The following NAALADL2 variants were observed in gnomAD, a reference collection of about 807,000 sequenced individuals.
The protein encoded by NAALADL2 is inactive N-acetylated-alpha-linked acidic dipeptidase-like protein 2.
A neutral mutation model predicts 87.2 loss-of-function variants in NAALADL2; 76 were observed. The observed-to-expected ratio is 0.87, with a 90% CI of 0.72 to 1.05. The LOEUF (loss-of-function observed/expected upper bound fraction) is 1.05. Among genes scored for constraint, NAALADL2 ranks in the 50% least tolerant of loss-of-function variants. The pLI is 0.00. For missense variants in NAALADL2, 1,089 were observed against 945.8 expected (o/e 1.15, Z -1.99); for synonymous variants, 354 against 331.0 (o/e 1.07, Z -0.75).
intron 2 of NAALADL2, among the ~76,000 whole-genome samples, chr3:174,560,855 CT>C (rs1298299818): frequency 3.9e-5 from 6 of 152,092 alleles, no homozygotes; most frequent in Admixed American, 1.3e-4. Context: ...TGAAAAATCT[CT>C]CTTTGACCCT....
intron 6 of NAALADL2, among the ~76,000 whole-genome samples, chr3:175,456,746 A>C (rs998704316): frequency 3.3e-5 from 5 of 152,064 alleles, no homozygotes; most frequent in Non-Finnish European, 7.4e-5. Flanking sequence ...ATACATTACT[A>C]CCATGCATTC....
At chr3:174,659,293 A>C (rs149102483) in intron 2 of NAALADL2, among the ~76,000 whole-genome samples, 19 of 152,294 alleles carry the variant, frequency 1.2e-4, no homozygotes, top group African/African-American at 4.3e-4. Flanking sequence ...TTATTAATAT[A>C]ACTTAGAAGC....
At position 175,576,262 on chromosome 3, in the gene NAALADL2, A is replaced by G. The variant is rs969330913; in HGVS notation, c.1800+75A>G. 9 of 1,367,374 alleles carry G rather than the reference A, an allele frequency of 6.6e-6. No homozygotes were observed. In the African/African-American group the frequency reaches 1.0e-4, roughly 16 times the overall value. The allele number at this position is 1,367,374 out of a possible 1,614,324, so 84.7% of individuals were successfully genotyped here. On this transcript the variant is annotated intron_variant, in intron 10 of 13. Coordinates refer to ENST00000454872, the MANE Select transcript of NAALADL2 (RefSeq NM_207015.3). ...TGCAGAATTTGATTTTATCCTGGCT[A>G]TTCAATTTTCATATCAAATAGGTCA...
At chr3:175,786,302 A>G (rs911833690) in intron 13 of NAALADL2, among the ~76,000 whole-genome samples, 23 of 152,294 alleles carry the variant, frequency 1.5e-4, no homozygotes, top group Non-Finnish European at 2.5e-4. Flanking sequence ...GTGTTTTCCA[A>G]CTTGGTTCCA....
At chr3:174,721,388 T>C (rs998831618) in intron 2 of NAALADL2, among the ~76,000 whole-genome samples, 1 of 152,176 alleles carries the variant, frequency 6.6e-6, no homozygotes, top group Non-Finnish European at 1.5e-5. Context: ...TTAAAGTTTA[T>C]GTTAGTGAAG....
chr3:174,906,646 T>C (rs367981905), intron 1 of NAALADL2, among the ~76,000 whole-genome samples: 1 of 152,078 alleles, frequency 6.6e-6, no homozygotes, highest in African/African-American at 2.4e-5. Flanking sequence ...AGAAGCAGAA[T>C]CAAACTCAGT....
chr3:175,500,218 C>A (rs6443305), intron 9 of NAALADL2, among the ~76,000 whole-genome samples: 54,831 of 151,822 alleles, frequency 0.36, 11,820 homozygotes, highest in African/African-American at 0.61. Flanking sequence ...GGGAAAAAAT[C>A]GCTGCCATTA....
chr3:175,086,416 CAAAA>C (rs370401749), intron 1 of NAALADL2, among the ~76,000 whole-genome samples: 1 of 146,672 alleles, frequency 6.8e-6, no homozygotes, highest in Non-Finnish European at 1.5e-5. Flanking sequence ...ATTACAGAAA[CAAAA>C]AAAAAGAAAC....
chr3:174,653,253 G>C (rs538830940), intron 2 of NAALADL2, among the ~76,000 whole-genome samples: 2 of 152,104 alleles, frequency 1.3e-5, no homozygotes, highest in Non-Finnish European at 2.9e-5. Flanking sequence ...CCCCAAACTG[G>C]AATCAACCCA....
intron 11 of NAALADL2, among the ~76,000 whole-genome samples, chr3:175,713,733 C>G (rs902547346): frequency 6.6e-6 from 1 of 151,720 alleles, no homozygotes; most frequent in African/African-American, 2.4e-5. Flanking sequence ...AAATGCAAAG[C>G]CTCATTTTTT....
intron 5 of NAALADL2, among the ~76,000 whole-genome samples, chr3:175,439,091 A>C (rs1041498616): frequency 2.6e-5 from 4 of 152,128 alleles, no homozygotes; most frequent in African/African-American, 9.7e-5. Context: ...TATGAGTGAG[A>C]ACAGATGATG....
chr3:175,141,943 T>A (rs893783208), intron 2 of NAALADL2, among the ~76,000 whole-genome samples: 7 of 152,112 alleles, frequency 4.6e-5, no homozygotes, highest in African/African-American at 1.7e-4. Context: ...AACATTTATA[T>A]GTCACAGTTT....
At chr3:175,482,025 C>T (rs1328824624) in intron 9 of NAALADL2, among the ~76,000 whole-genome samples, 1 of 151,494 alleles carries the variant, frequency 6.6e-6, no homozygotes, top group East Asian at 1.9e-4. Flanking sequence ...GACACAAAAA[C>T]TTATCATTGC....
chr3:174,835,579 AG>A lies in NAALADL2; in HGVS notation c.-9+97835del, dbSNP rs1723237303. On this transcript the variant is annotated intron_variant, in intron 3 of 3. Coordinates refer to the NAALADL2 transcript ENST00000434257. ...GTGAAAAGGCTACCTACAGAATAGG[AG>A]GAGATATTTGTAAATCATATATCTG... is the stretch of plus-strand genomic sequence containing the variant. Among the ~76,000 whole-genome samples, 3 of 152,174 alleles carry A rather than the reference AG, an allele frequency of 2.0e-5. No homozygotes were observed. In the South Asian group the frequency reaches 6.2e-4, roughly 32 times the overall value.
At chr3:175,447,449 T>C in intron 6 of NAALADL2, 77 bp downstream of exon 6, 5 of 998,572 alleles carry the variant, frequency 5.0e-6, no homozygotes, top group Admixed American at 3.3e-5. Flanking sequence ...CCTAAATTGA[T>C]GTATGTAGGA....
intron 3 of NAALADL2, among the ~76,000 whole-genome samples, chr3:174,801,783 GATAT>G (rs3040102): frequency 2.6e-5 from 4 of 151,306 alleles, no homozygotes; most frequent in Admixed American, 6.6e-5. Context: ...ATTTTAATAT[GATAT>G]ATATATTCAT....
At chr3:175,308,242 C>A (rs935159154) in intron 4 of NAALADL2, among the ~76,000 whole-genome samples, 2 of 152,120 alleles carry the variant, frequency 1.3e-5, no homozygotes, top group East Asian at 1.9e-4. Flanking sequence ...GCTTTTCACA[C>A]CTGTTTCTGT....
At chr3:175,363,669 T>C (rs1382964416) in intron 5 of NAALADL2, among the ~76,000 whole-genome samples, 1 of 148,124 alleles carries the variant, frequency 6.8e-6, no homozygotes. Context: ...TTTATATCAC[T>C]CTCATTTTAC....
At chr3:175,182,467 A>G (rs373718991) in intron 2 of NAALADL2, among the ~76,000 whole-genome samples, 1 of 150,884 alleles carries the variant, frequency 6.6e-6, no homozygotes, top group Non-Finnish European at 1.5e-5. Flanking sequence ...AGCTCACTGC[A>G]ACCTTGTTCT....
Sources: allele counts gnomAD v4.1 joint callset (sites outside exome capture counted in the v4.1 genomes callset), GRCh38; gene constraint gnomAD v4.1.1; transcripts MANE v1.5; gene names NCBI Gene and HGNC (gene_info 2026-07-23, HGNC 2026-07-21).